Variants in PTPRD observed in about 807,000 individuals in gnomAD.
PTPRD encodes the protein receptor-type tyrosine-protein phosphatase delta.
Under a neutral mutation model 214.5 loss-of-function variants are expected in PTPRD, and 34 were observed. The ratio of observed to expected loss-of-function variants is 0.16; its 90% CI spans 0.12 to 0.21. The LOEUF (loss-of-function observed/expected upper bound fraction) is 0.21. Among genes scored for constraint, PTPRD ranks in the 10% least tolerant of loss-of-function variants. The pLI is 1.00. For missense variants in PTPRD, 2,545 were observed against 2,398.7 expected (o/e 1.06, Z -1.27); for synonymous variants, 1,128 against 845.7 (o/e 1.33, Z -5.79).
At chr9:10,267,396 T>C (rs1028570739) in intron 3 of PTPRD, among the ~76,000 whole-genome samples, 3 of 152,034 alleles carry the variant, frequency 2.0e-5, no homozygotes, top group Non-Finnish European at 4.4e-5. Flanking sequence ...GTTTAAGCAA[T>C]GAAAAAAATG....
Position 8,636,860 on chromosome 9 carries a change from A to C in PTPRD, c.65-16T>G, listed in dbSNP as rs1373800418. On this transcript the variant is annotated splice_polypyrimidine_tract_variant and intron_variant, in intron 12 of 45. Transcript: ENST00000381196. ...CTTGGAGGTGCTGAAATAAAAAATA[A>C]ACATCACAGTTAAATTGAAAACTGA... The C allele has an allele frequency of 1.2e-6, 2 of 1,609,228 alleles. No individual in the cohort carries two copies. The highest frequency in any genetic ancestry group is 1.7e-6 in the Non-Finnish European group (2 of 1,176,104).
chr9:10,009,778 T>C (rs2096559486), intron 4 of PTPRD, among the ~76,000 whole-genome samples: 1 of 151,994 alleles, frequency 6.6e-6, no homozygotes, highest in South Asian at 2.1e-4. Context: ...TATTTTGGGA[T>C]AAAACATTTT....
At chr9:8,766,603 T>C (rs1469631824) in intron 11 of PTPRD, among the ~76,000 whole-genome samples, 3 of 152,208 alleles carry the variant, frequency 2.0e-5, no homozygotes, top group Non-Finnish European at 4.4e-5. Flanking sequence ...ATGTTTGTAA[T>C]TGATTGCTTT....
chr9:9,743,942 T>G (rs2098433900), intron 6 of PTPRD, among the ~76,000 whole-genome samples: 1 of 152,148 alleles, frequency 6.6e-6, no homozygotes, highest in Admixed American at 6.6e-5. Flanking sequence ...AACAGTGACA[T>G]TAAATAACCT....
chr9:8,913,683 A>G (rs891223581), intron 11 of PTPRD, among the ~76,000 whole-genome samples: 3 of 152,238 alleles, frequency 2.0e-5, no homozygotes, highest in South Asian at 2.1e-4. Context: ...CATTCCCCAT[A>G]CTTTCCCTTA....
chr9:8,353,358 G>C (rs915678334), intron 39 of PTPRD, among the ~76,000 whole-genome samples: 1 of 152,034 alleles, frequency 6.6e-6, no homozygotes, highest in Non-Finnish European at 1.5e-5. Context: ...TTCTGATCCG[G>C]CTTCTTAAAC....
At chr9:9,852,025 A>G (rs1289179982) in intron 5 of PTPRD, among the ~76,000 whole-genome samples, 1 of 152,214 alleles carries the variant, frequency 6.6e-6, no homozygotes, top group Non-Finnish European at 1.5e-5. Context: ...TTCCTGAAGT[A>G]CAGAATATAG....
chr9:8,826,361 A>T (rs1417592115), intron 11 of PTPRD, among the ~76,000 whole-genome samples: 2 of 152,112 alleles, frequency 1.3e-5, no homozygotes, highest in African/African-American at 4.8e-5. Context: ...ATGGTCTCCT[A>T]TTGTGCCTTA....
chr9:10,028,473 AG>A (rs2096975075), intron 4 of PTPRD, among the ~76,000 whole-genome samples: 1 of 152,156 alleles, frequency 6.6e-6, no homozygotes, highest in Non-Finnish European at 1.5e-5. Context: ...AATGTAGGAA[AG>A]TTTGGAACTC....
intron 4 of PTPRD, among the ~76,000 whole-genome samples, chr9:9,948,816 G>T (rs1186023258): frequency 6.6e-6 from 1 of 151,488 alleles, no homozygotes; most frequent in African/African-American, 2.4e-5. Context: ...TAGGTATAAG[G>T]GCAAAAAAGA....
chr9:9,780,417 C>A (rs2209193), intron 5 of PTPRD, among the ~76,000 whole-genome samples: 6,144 of 152,048 alleles, frequency 0.04, 588 homozygotes, highest in East Asian at 0.39. Flanking sequence ...GCAATTAAAA[C>A]AATACCCAAT....
At chr9:9,155,711 G>C (rs192308076) in intron 10 of PTPRD, among the ~76,000 whole-genome samples, 61 of 152,246 alleles carry the variant, frequency 4.0e-4, no homozygotes, top group Admixed American at 3.1e-3. Context: ...TTGGATTCAT[G>C]GATAATCATC....
At chr9:10,141,841 A>C (rs950082839) in intron 3 of PTPRD, among the ~76,000 whole-genome samples, 6 of 152,282 alleles carry the variant, frequency 3.9e-5, no homozygotes, top group African/African-American at 1.4e-4. Context: ...ACACTACCTG[A>C]CTTCAAACTA....
chr9:10,340,426 C>G (rs531941688), intron 3 of PTPRD, among the ~76,000 whole-genome samples: 1 of 151,940 alleles, frequency 6.6e-6, no homozygotes, highest in South Asian at 2.1e-4. Context: ...TATATCACAC[C>G]AGTGTGAGAT....
At chr9:8,517,714 A>G in intron 21 of PTPRD, 134 bp downstream of exon 21, 1 of 711,484 alleles carries the variant, frequency 1.4e-6, no homozygotes, top group Middle Eastern at 3.4e-4. Context: ...GATATCTATC[A>G]TCTGTTGCTT....
rs2154434989 is a variant in PTPRD, at chr9:8,733,912, C to T, written c.-69G>A. On this transcript the variant is annotated 5_prime_UTR_variant, in exon 12 of 46. Coordinates refer to ENST00000381196, the MANE Select transcript of PTPRD (RefSeq NM_002839.4). ...GCCTCCGGAGCCGCAGCGAGTCTGTCCGATCTGAAATTTCAGCTGGAACAC... is the reference window on the plus strand; with the variant it reads ...GCCTCCGGAGCCGCAGCGAGTCTGTTCGATCTGAAATTTCAGCTGGAACAC... 6.8e-7 allele frequency: 1 copy of T among 1,477,984 alleles called. No individual in the cohort carries two copies. The highest frequency in any genetic ancestry group is 1.2e-5 in the South Asian group (1 of 82,414). The allele number at this position is 1,477,984 out of a possible 1,614,324, so 91.6% of individuals were successfully genotyped here. A position where few individuals can be genotyped will look rare whatever the true frequency, so the allele number is the denominator to read the frequency against.
chr9:8,679,872 A>T (rs552528229), intron 12 of PTPRD, among the ~76,000 whole-genome samples: 10 of 152,248 alleles, frequency 6.6e-5, no homozygotes, highest in Non-Finnish European at 1.5e-4. Flanking sequence ...CTTTCAATTT[A>T]ACAAAAATTT....
At chr9:8,701,710 G>T (rs924955195) in intron 12 of PTPRD, among the ~76,000 whole-genome samples, 1 of 152,024 alleles carries the variant, frequency 6.6e-6, no homozygotes, top group Non-Finnish European at 1.5e-5. Context: ...TGTCACCCTT[G>T]GATGCCCAAT....
intron 2 of PTPRD, among the ~76,000 whole-genome samples, chr9:10,440,542 G>C (rs141933734): frequency 3.7e-4 from 56 of 151,776 alleles, no homozygotes; most frequent in African/African-American, 1.3e-3. Context: ...CTGGTGATGA[G>C]ACATAGAGAA....
Sources: allele counts gnomAD v4.1 joint callset (sites outside exome capture counted in the v4.1 genomes callset), GRCh38; gene constraint gnomAD v4.1.1; transcripts MANE v1.5; gene names NCBI Gene and HGNC (gene_info 2026-07-23, HGNC 2026-07-21).